The following EVI5 variants were observed in gnomAD, a reference collection of about 807,000 sequenced individuals.
EVI5 encodes ecotropic viral integration site 5 protein homolog.
Under a neutral mutation model 112.0 loss-of-function variants are expected in EVI5, and 73 were observed. That is an observed-to-expected ratio of 0.65 (90% confidence interval 0.54 to 0.79). The LOEUF (loss-of-function observed/expected upper bound fraction) is 0.79, where lower values mean the gene tolerates loss of function less well. Among genes scored for constraint, EVI5 ranks in the 30% least tolerant of loss-of-function variants. EVI5 has a pLI of 0.00. For synonymous variants in EVI5, 305 were observed against 319.9 expected (o/e 0.95, Z 0.50); for missense variants, 900 against 968.8 (o/e 0.93, Z 0.94).
chr1:92,738,453 C>T (rs1024501326), intron 1 of EVI5, among the ~76,000 whole-genome samples: 1 of 152,118 alleles, frequency 6.6e-6, no homozygotes, highest in African/African-American at 2.4e-5. Flanking sequence ...ATAATTAATG[C>T]TTTACATTTT....
At position 92,662,737 on chromosome 1, in the gene EVI5, G is replaced by T; in HGVS notation, c.1374C>A (p.Leu458=). ...LEQAENTIRK[L]QHQQQWHKCS... ...TCCTTACCCATTGTTGTTGGTGCTG[G>T]AGCTTCCTGATGGTATTTTCAGCTT... The change falls in exon 13 of 20, where the codon CTC becomes CTA. Residue 458 remains leucine (L), a synonymous_variant. Coordinates refer to ENST00000684568, the MANE Select transcript of EVI5 (RefSeq NM_001350197.2). 1 of 1,281,980 alleles carries T rather than the reference G, an allele frequency of 7.8e-7. No individual in the cohort carries two copies. The highest frequency in any genetic ancestry group is 1.0e-6 in the Non-Finnish European group (1 of 985,624). 79.4% of individuals were successfully genotyped at this position (1,281,980 alleles called of 1,614,324 possible). A position where few individuals can be genotyped will look rare whatever the true frequency, so the allele number is the denominator to read the frequency against.
Position 92,662,808 on chromosome 1 carries a change from C to T in EVI5, c.1303G>A (p.Ala435Thr). ...EENYLIKREL[A>T]TIKQQSDEAS... The stretch of plus-strand genomic sequence containing the variant: ...TCATCACTCTGCTGTTTGATGGTGG[C>T]CAACTCCCGTTTTATGAGGTAGTTT... The change falls in exon 13 of 20, where the codon GCC becomes ACC. Residue 435 changes from alanine (A) to threonine (T), a missense_variant. Ala to Thr is a moderately conservative substitution (Grantham distance 58). Coordinates refer to ENST00000684568, the MANE Select transcript of EVI5 (RefSeq NM_001350197.2). 1 of 1,289,336 alleles carries T rather than the reference C, an allele frequency of 7.8e-7. No individual in the cohort carries two copies. The highest frequency in any genetic ancestry group is 1.0e-6 in the Non-Finnish European group (1 of 988,664). The allele number at this position is 1,289,336 out of a possible 1,614,324, so 79.9% of individuals were successfully genotyped here.
chr1:92,594,430 G>T (rs953118530), intron 18 of EVI5, among the ~76,000 whole-genome samples: 3 of 151,368 alleles, frequency 2.0e-5, no homozygotes, highest in African/African-American at 7.3e-5. Context: ...ATGGATTAAA[G>T]ACTTACATGT....
chr1:92,583,211 T>C (rs1191213315), intron 18 of EVI5, among the ~76,000 whole-genome samples: 1 of 151,980 alleles, frequency 6.6e-6, no homozygotes, highest in African/African-American at 2.4e-5. Flanking sequence ...TTTCTAAATA[T>C]TAAAAATAAC....
At chr1:92,694,409 A>C (rs760098426) in intron 7 of EVI5, 21 bp from the exon 8 acceptor site, 3 of 1,409,134 alleles carry the variant, frequency 2.1e-6, no homozygotes, top group Non-Finnish European at 2.0e-6. Flanking sequence ...AAATTAAATA[A>C]ATCCAAATTT....
chr1:92,690,879 T>C (rs1055152074), intron 9 of EVI5, among the ~76,000 whole-genome samples: 3 of 152,222 alleles, frequency 2.0e-5, no homozygotes, highest in Non-Finnish European at 4.4e-5. Flanking sequence ...ATAAAGTACA[T>C]GGTATCACCT....
At chr1:92,736,091 AG>A in intron 2 of EVI5, among the ~76,000 whole-genome samples, 1 of 151,882 alleles carries the variant, frequency 6.6e-6, no homozygotes. Flanking sequence ...CTTTTACCAA[AG>A]GAGACTGTTC....
chr1:92,571,647 C>T (rs1277887695), intron 18 of EVI5, among the ~76,000 whole-genome samples: 2 of 152,118 alleles, frequency 1.3e-5, no homozygotes, highest in African/African-American at 4.8e-5. Flanking sequence ...AAGTGGGTAT[C>T]AATTTAATTT....
intron 18 of EVI5, among the ~76,000 whole-genome samples, chr1:92,583,723 C>A (rs1672335177): frequency 6.7e-6 from 1 of 149,046 alleles, no homozygotes; most frequent in Admixed American, 6.7e-5. Context: ...AATGCCTTCT[C>A]TCTCTCTCTC....
chr1:92,589,709 A>G (rs916684428), intron 18 of EVI5, among the ~76,000 whole-genome samples: 6 of 152,194 alleles, frequency 3.9e-5, no homozygotes, highest in African/African-American at 9.6e-5. Flanking sequence ...GCCAAACAAA[A>G]GGCAGCAGAA....
intron 1 of EVI5, among the ~76,000 whole-genome samples, chr1:92,739,209 G>C (rs1038016113): frequency 7.0e-6 from 1 of 143,006 alleles, no homozygotes; most frequent in Non-Finnish European, 1.5e-5. Context: ...AGAGGCAGAG[G>C]TTGCAATGCA....
chr1:92,520,529 C>T (rs1660728095), intron 19 of EVI5, among the ~76,000 whole-genome samples: 1 of 151,918 alleles, frequency 6.6e-6, no homozygotes, highest in African/African-American at 2.4e-5. Context: ...TAAATCTTTC[C>T]CCGTGTAAAG....
chr1:92,610,412 G>A lies in EVI5; in HGVS notation c.1828-2685C>T, dbSNP rs111811625. ...ACACAAGACCATAATTCAACATTAT[G>A]GTTGATAAATAATACACATAAAACC... is the stretch of plus-strand genomic sequence containing the variant. On this transcript the variant is annotated intron_variant, in intron 16 of 19. Coordinates refer to ENST00000684568, the MANE Select transcript of EVI5 (RefSeq NM_001350197.2). Among the ~76,000 whole-genome samples, 1,042 of 152,216 alleles carry A rather than the reference G, an allele frequency of 6.8e-3. 18 individuals are homozygous for A. Among genetic ancestry groups the A allele is most frequent in the African/African-American group, 0.024 (995 of 41,516 alleles).
At chr1:92,689,561 T>C (rs1669131234) in intron 9 of EVI5, among the ~76,000 whole-genome samples, 1 of 152,082 alleles carries the variant, frequency 6.6e-6, no homozygotes, top group Non-Finnish European at 1.5e-5. Context: ...AGAGACAAAG[T>C]TTCACCATGT....
intron 13 of EVI5, among the ~76,000 whole-genome samples, chr1:92,645,377 G>T (rs1360240097): frequency 6.6e-6 from 1 of 151,894 alleles, no homozygotes; most frequent in Admixed American, 6.6e-5. Flanking sequence ...TTTTTTTCCA[G>T]TTGTAATTAA....
intron 9 of EVI5, among the ~76,000 whole-genome samples, chr1:92,688,611 G>A (rs761901538): frequency 3.3e-5 from 5 of 152,166 alleles, no homozygotes; most frequent in Non-Finnish European, 7.4e-5. Context: ...AAGGTGCGAA[G>A]AAGAACCGAG....
At chr1:92,590,770 A>G (rs1673699166) in intron 18 of EVI5, among the ~76,000 whole-genome samples, 2 of 152,192 alleles carry the variant, frequency 1.3e-5, no homozygotes, top group Admixed American at 1.3e-4. Flanking sequence ...GAATGCCACA[A>G]AGATACTCCT....
intron 2 of EVI5, among the ~76,000 whole-genome samples, chr1:92,712,512 G>T (rs747931970): frequency 6.6e-6 from 1 of 152,214 alleles, no homozygotes; most frequent in East Asian, 1.9e-4. Context: ...GACTATCTTA[G>T]GCTAAGCTAG....
At chr1:92,661,847 A>T (rs940856124) in intron 13 of EVI5, among the ~76,000 whole-genome samples, 5 of 152,148 alleles carry the variant, frequency 3.3e-5, no homozygotes, top group African/African-American at 1.2e-4. Flanking sequence ...TGCCTTCCAG[A>T]TCTGCATAGA....
Sources: allele counts gnomAD v4.1 joint callset (sites outside exome capture counted in the v4.1 genomes callset), GRCh38; gene constraint gnomAD v4.1.1; transcripts MANE v1.5; gene names NCBI Gene and HGNC (gene_info 2026-07-23, HGNC 2026-07-21).